The following CHD8 variants were observed in gnomAD, a reference collection of about 807,000 sequenced individuals.
CHD8 encodes the protein ATP-dependent chromatin remodeler CHD8.
Under a neutral mutation model 279.2 loss-of-function variants are expected in CHD8, and 31 were observed. The observed-to-expected ratio is 0.11, with a 90% CI of 0.08 to 0.15. CHD8 has a LOEUF of 0.15. Ranked by LOEUF, CHD8 falls within the 10% of genes least tolerant of loss-of-function variation. The pLI, the probability that CHD8 is intolerant of heterozygous loss-of-function variation, is 1.00. For synonymous variants in CHD8, 1,081 were observed against 1,139.6 expected, an observed-to-expected ratio of 0.95 and a Z score of 1.04; for missense variants, 2,146 against 3,230.5, an observed-to-expected ratio of 0.66 and a Z score of 8.14.
intron 1 of CHD8, among the ~76,000 whole-genome samples, chr14:21,454,172 G>GAAAAGAA (rs1304090985): frequency 2.7e-5 from 3 of 112,118 alleles, no homozygotes; most frequent in Non-Finnish European, 5.2e-5. Flanking sequence ...AAAAAGAAAA[G>GAAAAGAA]AAAAGAAAAG....
chr14:21,446,841 TCTC>T (rs1415893810), intron 1 of CHD8, among the ~76,000 whole-genome samples: 1 of 152,190 alleles, frequency 6.6e-6, no homozygotes, highest in Non-Finnish European at 1.5e-5. Context: ...TTCCAGTACT[TCTC>T]CTTTGTTGTA....
chr14:21,418,873 AAG>A (rs965720929), intron 5 of CHD8, among the ~76,000 whole-genome samples: 3 of 152,228 alleles, frequency 2.0e-5, no homozygotes, highest in African/African-American at 4.8e-5. Context: ...AATCTAAGGT[AAG>A]AGAGAGCAGA....
intron 26 of CHD8, chr14:21,399,020 C>T (rs1398637580): frequency 4.9e-6 from 2 of 406,140 alleles, no homozygotes; most frequent in Non-Finnish European, 4.9e-6. Context: ...AGATCCACGA[C>T]AAGGAGGGCA....
chr14:21,442,950 T>C (rs531170435), intron 1 of CHD8, among the ~76,000 whole-genome samples: 5 of 152,200 alleles, frequency 3.3e-5, no homozygotes, highest in Admixed American at 6.5e-5. Context: ...TTCTGAAGAA[T>C]GTAGCTGCAA....
In CHD8 at chr14:21,428,206, G is replaced by C. The variant is rs748248135; in HGVS notation, c.1264C>G (p.Leu422Val). The change falls in exon 4 of 38, where the codon CTG becomes GTG. Residue 422 changes from leucine (L) to valine (V), a missense_variant. By Grantham distance (32) the Leu-to-Val change is conservative (BLOSUM62 1). Around this residue, in one of 26 missense-constraint regions of CHD8, gnomAD observed 170 missense variants for 189.9 expected, o/e 0.90. Coordinates refer to ENST00000646647, the MANE Select transcript of CHD8 (RefSeq NM_001170629.2). ...AAAGCTGCCACTTCACTGGCACTCA[G>C]AACTTTAACTACAGAGAGCCCAGAA... is the stretch of plus-strand genomic sequence containing the variant. ...ASSGLSVVKV[L>V]SASEVAALSS... The C allele has an allele frequency of 1.5e-5, 25 of 1,613,982 alleles. No individual in the cohort carries two copies. The highest frequency in any genetic ancestry group is 1.5e-5 in the Non-Finnish European group (18 of 1,179,876).
Position 21,386,071 on chromosome 14 carries a change from T to C in CHD8, c.7288A>G (p.Met2430Val), listed in dbSNP as rs1486455338. 6.3e-7 allele frequency: 1 copy of C among 1,584,278 alleles called. No homozygotes were observed. Among genetic ancestry groups the C allele is most frequent in the Admixed American group, 1.8e-5 (1 of 55,826 alleles). The change falls in exon 38 of 38, where the codon ATG becomes GTG. Residue 2430 changes from methionine (M) to valine (V), a missense_variant. Physicochemically the swap from Met to Val is conservative, Grantham distance 21. This residue lies in a region of CHD8 where 336 missense variants were observed against 392.9 expected (regional missense o/e 0.86). Coordinates refer to ENST00000646647, the MANE Select transcript of CHD8 (RefSeq NM_001170629.2). ...GTGCTTCCACCCTGCATGAGGGCCA[T>C]CATCTTAGAAAGGTCTGGTCGCATC... Reference protein sequence around the residue: ...RRMRPDLSKMMALMQGGSTGS... With the variant: ...RRMRPDLSKMVALMQGGSTGS...
chr14:21,455,888 C>G (rs1890377505), intron 1 of CHD8, 144 bp downstream of exon 1: 1 of 152,936 alleles, frequency 6.5e-6, no homozygotes, highest in Non-Finnish European at 1.5e-5. Context: ...GAGCATCACC[C>G]CGCACCTGAT....
chr14:21,446,251 T>C (rs901651860), intron 1 of CHD8, among the ~76,000 whole-genome samples: 2 of 152,008 alleles, frequency 1.3e-5, no homozygotes, highest in African/African-American at 4.8e-5. Flanking sequence ...AATTGCTGAA[T>C]GTACATTACA....
rs763736523 is a variant in CHD8, at chr14:21,393,928, G to C, written c.5867C>G (p.Ser1956Cys). 6.2e-7 allele frequency: 1 copy of C among 1,613,998 alleles called. No homozygotes were observed. Among genetic ancestry groups the C allele is most frequent in the African/African-American group, 1.3e-5 (1 of 75,054 alleles). ...DCNIMQDPDF[S>C]FLAARMNYMQ... ...ATAATTCATACGGGCAGCCAGAAAAGAGAAGTCTGGGTCCTGCATGATGTT... is the reference window on the plus strand; with the variant it reads ...ATAATTCATACGGGCAGCCAGAAAACAGAAGTCTGGGTCCTGCATGATGTT... The change falls in exon 32 of 38, where the codon TCT (serine) becomes TGT (cysteine). Residue 1956 changes from serine (S) to cysteine (C), a missense_variant. Ser to Cys is a moderately radical substitution (Grantham distance 112). This residue lies in a region of CHD8 where 513 missense variants were observed against 637.6 expected (regional missense o/e 0.80). Coordinates refer to ENST00000646647, the MANE Select transcript of CHD8 (RefSeq NM_001170629.2).
intron 30 of CHD8, 49 bp from the exon 31 acceptor site, chr14:21,394,534 G>A (rs1362497943): frequency 5.3e-6 from 5 of 946,392 alleles, no homozygotes; most frequent in Non-Finnish European, 6.9e-6. Context: ...CACATCAGAA[G>A]AACACAAGAA....
Position 21,393,221 on chromosome 14 carries a change from T to C in CHD8, c.6353A>G (p.Glu2118Gly). 1 of 1,613,988 alleles carries C rather than the reference T, an allele frequency of 6.2e-7. No individual in the cohort carries two copies. Among genetic ancestry groups the C allele is most frequent in the South Asian group, 1.1e-5 (1 of 91,084 alleles). ...GGACATAGTGAGGGACAGGAGACTC[T>C]CTTCATCATAGAGCTTTGAGCGGGA... ...DQSRSKLYDE[E>G]SLLSLTMSQD... is the part of the protein sequence containing the mutation. The change falls in exon 33 of 38, where the codon GAG becomes GGG. Residue 2118 changes from glutamate to glycine, a missense_variant. By Grantham distance (98) the Glu-to-Gly change is moderately conservative. Around this residue, in one of 26 missense-constraint regions of CHD8, gnomAD observed 513 missense variants for 637.6 expected, o/e 0.80. Transcript: ENST00000646647.
intron 5 of CHD8, among the ~76,000 whole-genome samples, chr14:21,421,872 A>C (rs1889059961): frequency 6.6e-6 from 1 of 152,210 alleles, no homozygotes; most frequent in Non-Finnish European, 1.5e-5. Flanking sequence ...TAATGTTCTT[A>C]CAGAAGGAAG....
At position 21,431,134 on chromosome 14, in the gene CHD8, G is replaced by T; in HGVS notation, c.510C>A (p.Val170=). 6.3e-7 allele frequency: 1 copy of T among 1,599,128 alleles called. No individual in the cohort carries two copies. The highest frequency in any genetic ancestry group is 8.5e-7 in the Non-Finnish European group (1 of 1,179,620). The change falls in exon 2 of 38, where the codon GTC becomes GTA. Residue 170 remains valine, a synonymous_variant. Transcript: ENST00000646647. ...GAATTTGTGCCACATGGGCACCAGT[G>T]ACTGAGGAGCTTGGTGGGGCCTTAA... ...VILKAPPSSS[V]TGAHVAQIQA... is the part of the protein sequence containing the mutation.
At position 21,394,373 on chromosome 14, in the gene CHD8, G is replaced by A. The variant is rs1161553064; in HGVS notation, c.5503C>T (p.Leu1835=). ...HWDRFRTFAR[L]DKKTDESLTK... Reference sequence around the variant, plus strand: ...AGGCTTTCATCTGTCTTTTTGTCTAGTCGAGCAAAAGTGCGGAAGCGATCC... The same window carrying A: ...AGGCTTTCATCTGTCTTTTTGTCTAATCGAGCAAAAGTGCGGAAGCGATCC... The change falls in exon 31 of 38, where the codon CTA becomes TTA. Residue 1835 remains leucine (L), a synonymous_variant. Coordinates refer to ENST00000646647, the MANE Select transcript of CHD8 (RefSeq NM_001170629.2). 6.2e-7 allele frequency: 1 copy of A among 1,613,998 alleles called. No homozygotes were observed. Among genetic ancestry groups the A allele is most frequent in the Non-Finnish European group, 8.5e-7 (1 of 1,179,886 alleles).
intron 9 of CHD8, 70 bp from the exon 10 acceptor site, chr14:21,413,066 A>C: frequency 1.5e-5 from 13 of 885,792 alleles, no homozygotes; most frequent in Non-Finnish European, 2.2e-5. Flanking sequence ...CCTCTACCTC[A>C]CCTTTAGCAG....
intron 37 of CHD8, among the ~76,000 whole-genome samples, chr14:21,387,088 T>C (rs1220505577): frequency 2.0e-5 from 3 of 152,354 alleles, no homozygotes; most frequent in East Asian, 3.9e-4. Context: ...AATGGCTTCT[T>C]CTAGATGTTC....
In CHD8 at chr14:21,443,432, C is replaced by T. The variant is rs117929208; in HGVS notation, c.-215-11574G>A. On this transcript the variant is annotated intron_variant, in intron 1 of 37. Transcript: ENST00000646647. Reference sequence around the variant, plus strand: ...ACAGAAATTAAGAATCAGAATAATGCCTTCTTAAGCAGGTAGAGAAAAAAC... The same window carrying T: ...ACAGAAATTAAGAATCAGAATAATGTCTTCTTAAGCAGGTAGAGAAAAAAC... Among the ~76,000 whole-genome samples, 131 of 152,064 alleles carry T rather than the reference C, an allele frequency of 8.6e-4. No homozygotes were observed. The East Asian group carries it at 0.022, about 25-fold the overall frequency.
Position 21,408,245 on chromosome 14 carries a change from C to T in CHD8, c.2730+67G>A. On this transcript the variant is annotated intron_variant, in intron 13 of 37. Coordinates refer to ENST00000646647, the MANE Select transcript of CHD8 (RefSeq NM_001170629.2). This position sits in a 1 kb window ranked among gnomAD's most constrained non-coding sequence, Gnocchi z 4.3. ...TAAAAGTCTTCTATTCATATATAGC[C>T]CTTAAAATACCAGGTACCTTGGCCG... is the stretch of plus-strand genomic sequence containing the variant. 6.4e-7 allele frequency: 1 copy of T among 1,556,284 alleles called. No individual in the cohort carries two copies. Among genetic ancestry groups the T allele is most frequent in the Admixed American group, 1.7e-5 (1 of 58,256 alleles).
chr14:21,404,098 T>TA (rs112420804), intron 16 of CHD8, among the ~76,000 whole-genome samples: 6,506 of 132,122 alleles, frequency 0.049, 220 homozygotes, highest in African/African-American at 0.11. Context: ...GACTCCACCT[T>TA]AAAAAAAAAA....
Sources: gnomAD v4.1 joint callset for allele counts (sites outside exome capture counted in the v4.1 genomes callset) on GRCh38, gnomAD v4.1.1 for gene constraint, gnomAD v4.1.1 regional missense constraint, Gnocchi (gnomAD v3.1) non-coding constraint, MANE v1.5 for transcripts, NCBI Gene and HGNC (gene_info 2026-07-23, HGNC 2026-07-21) for gene names.